MGAT4C: variants seen among roughly 807,000 people sequenced by gnomAD.
The protein encoded by MGAT4C is alpha-1,3-mannosyl-glycoprotein 4-beta-N-acetylglucosaminyltransferase C.
A neutral mutation model predicts 40.1 loss-of-function variants in MGAT4C; 19 were observed. That is an observed-to-expected ratio of 0.47 (90% CI 0.33 to 0.70). MGAT4C has a LOEUF of 0.70. Ranked by LOEUF, MGAT4C falls within the 30% of genes least tolerant of loss-of-function variation. The pLI is 0.02. For missense variants in MGAT4C, 491 were observed against 563.2 expected, an observed-to-expected ratio of 0.87 and a Z score of 1.30; for synonymous variants, 181 against 187.1, an observed-to-expected ratio of 0.97 and a Z score of 0.27.
rs115166288 is a variant in MGAT4C, at chr12:86,271,009, A to G, written c.-57+63056T>C. Among the ~76,000 whole-genome samples the G allele has an allele frequency of 5.2e-3, 795 of 152,346 alleles. 4 individuals carry two copies. Among genetic ancestry groups the G allele is most frequent in the African/African-American group, 0.018 (756 of 41,580 alleles). ...AATTCTATCTTCCACACATGCAACAATTAACTTACAACAAATTAAAGATTT... is the reference window on the plus strand; with the variant it reads ...AATTCTATCTTCCACACATGCAACAGTTAACTTACAACAAATTAAAGATTT... On this transcript the variant is annotated intron_variant, in intron 4 of 7. Coordinates refer to the MGAT4C transcript ENST00000548651.
At chr12:86,578,809 T>G (rs916958893) in intron 2 of MGAT4C, among the ~76,000 whole-genome samples, 1 of 151,696 alleles carries the variant, frequency 6.6e-6, no homozygotes, top group Non-Finnish European at 1.5e-5. Flanking sequence ...GAAAACTTTT[T>G]GTTTCATTGA....
intron 1 of MGAT4C, among the ~76,000 whole-genome samples, chr12:86,092,856 T>A (rs1208687083): frequency 6.6e-6 from 1 of 152,166 alleles, no homozygotes; most frequent in East Asian, 1.9e-4. Flanking sequence ...CCAATCACCC[T>A]CTTTTTTTTA....
intron 1 of MGAT4C, among the ~76,000 whole-genome samples, chr12:86,740,642 AT>A (rs1951054907): frequency 6.6e-6 from 1 of 151,274 alleles, no homozygotes; most frequent in Admixed American, 6.6e-5. Flanking sequence ...TAACACTTCT[AT>A]AATAGGTTTC....
intron 2 of MGAT4C, among the ~76,000 whole-genome samples, chr12:86,704,763 C>T (rs568403560): frequency 2.6e-5 from 4 of 152,158 alleles, no homozygotes; most frequent in Admixed American, 2.0e-4. Context: ...ATTTTGAATC[C>T]AGCAAGTCTG....
At chr12:86,111,803 A>T (rs1322757998) in intron 1 of MGAT4C, among the ~76,000 whole-genome samples, 1 of 151,834 alleles carries the variant, frequency 6.6e-6, no homozygotes, top group Non-Finnish European at 1.5e-5. Context: ...AGCATGTTAC[A>T]TTAGCCAAGT....
chr12:86,227,899 T>G (rs1485306447), intron 1 of MGAT4C, among the ~76,000 whole-genome samples: 2 of 152,002 alleles, frequency 1.3e-5, no homozygotes, highest in East Asian at 3.9e-4. Context: ...CCAGATTCTT[T>G]CCCCATTTTA....
intron 2 of MGAT4C, among the ~76,000 whole-genome samples, chr12:86,623,941 G>A (rs1962718989): frequency 6.6e-6 from 1 of 152,046 alleles, no homozygotes; most frequent in African/African-American, 2.4e-5. Flanking sequence ...AGAAAATGGA[G>A]GCATCCAAAT....
intron 2 of MGAT4C, among the ~76,000 whole-genome samples, chr12:86,587,631 T>A (rs1471376696): frequency 6.6e-6 from 1 of 152,018 alleles, no homozygotes; most frequent in Non-Finnish European, 1.5e-5. Flanking sequence ...CCTTGAGCAG[T>A]GGTTTGTAGT....
rs373806118 is a variant in MGAT4C, at chr12:85,979,502, A to G, written c.1224T>C (p.His408=). The change falls in exon 5 of 5, where the codon CAT becomes CAC. Residue 408 remains histidine, a synonymous_variant. Transcript: ENST00000611864. ...CGTTTTCCCCAACATCTAGGGCTCCATGATGCAAAATATCATTTTGCCGAT... is the reference window on the plus strand; with the variant it reads ...CGTTTTCCCCAACATCTAGGGCTCCGTGATGCAAAATATCATTTTGCCGAT... ...TEDRQNDILH[H]GALDVGENVM... 22 of 1,612,768 alleles carry G rather than the reference A, an allele frequency of 1.4e-5. 1 individual carries two copies. The highest frequency in any genetic ancestry group is 1.6e-4 in the Middle Eastern group (1 of 6,080).
chr12:86,383,527 G>C (rs1955990408), intron 3 of MGAT4C, among the ~76,000 whole-genome samples: 1 of 118,646 alleles, frequency 8.4e-6, no homozygotes, highest in South Asian at 3.0e-4. Flanking sequence ...CTCCAGACTG[G>C]TGACAGAGCG....
chr12:86,175,247 A>G (rs1887273327), intron 1 of MGAT4C, among the ~76,000 whole-genome samples: 1 of 152,172 alleles, frequency 6.6e-6, no homozygotes, highest in African/African-American at 2.4e-5. Context: ...ACTTGAGAGT[A>G]TATATATTAA....
intron 2 of MGAT4C, among the ~76,000 whole-genome samples, chr12:86,463,809 T>C (rs2136297776): frequency 6.6e-6 from 1 of 152,332 alleles, no homozygotes; most frequent in Non-Finnish European, 1.5e-5. Flanking sequence ...CTTACTTTGC[T>C]ATGTTTTCCT....
At chr12:86,457,487 C>T (rs1249375884) in intron 2 of MGAT4C, among the ~76,000 whole-genome samples, 2 of 152,012 alleles carry the variant, frequency 1.3e-5, no homozygotes, top group African/African-American at 4.8e-5. Context: ...CTTAGCCATA[C>T]CATAATCTAG....
At chr12:86,748,004 T>C (rs1951179066) in intron 1 of MGAT4C, among the ~76,000 whole-genome samples, 1 of 151,634 alleles carries the variant, frequency 6.6e-6, no homozygotes, top group Non-Finnish European at 1.5e-5. Context: ...TTAGCATCAA[T>C]ACTAAATTTA....
intron 2 of MGAT4C, among the ~76,000 whole-genome samples, chr12:86,616,570 T>A (rs1962456578): frequency 6.6e-6 from 1 of 152,154 alleles, no homozygotes; most frequent in Non-Finnish European, 1.5e-5. Context: ...AGTTTTGATA[T>A]TCTTGAAATA....
chr12:86,416,833 C>T (rs78078231), intron 3 of MGAT4C, among the ~76,000 whole-genome samples: 2,076 of 152,164 alleles, frequency 0.014, 39 homozygotes, highest in African/African-American at 0.048. Context: ...CTTCATTTGG[C>T]ATTAGGGTCT....
rs1035424087 is a variant in MGAT4C at position 86,622,511 on chromosome 12, T to C, written c.-229+104698A>G. Among the ~76,000 whole-genome samples, 16 of 152,220 alleles carry C rather than the reference T, an allele frequency of 1.1e-4. 2 individuals are homozygous for C. The highest frequency in any genetic ancestry group is 1.0e-3 in the Admixed American group (16 of 15,280). ...ATTAATAATAATATTTAAAAAATGG[T>C]AATTGAGGGAGCACCAGGTAAAACA... On this transcript the variant is annotated intron_variant, in intron 2 of 7. Coordinates refer to the MGAT4C transcript ENST00000548651.
intron 2 of MGAT4C, among the ~76,000 whole-genome samples, chr12:86,538,134 T>C (rs1346089685): frequency 2.0e-5 from 3 of 152,116 alleles, no homozygotes; most frequent in Non-Finnish European, 2.9e-5. Flanking sequence ...TTATTTGTAT[T>C]TGAAAGCCTA....
At chr12:86,246,203 T>C (rs988011746) in intron 1 of MGAT4C, among the ~76,000 whole-genome samples, 1 of 101,082 alleles carries the variant, frequency 9.9e-6, no homozygotes, top group African/African-American at 3.5e-5. Flanking sequence ...TTTTTTTTTT[T>C]GAGACAGAGT....
Sources: gnomAD v4.1 joint callset for allele counts (sites outside exome capture counted in the v4.1 genomes callset) on GRCh38, gnomAD v4.1.1 for gene constraint, MANE v1.5 for transcripts, NCBI Gene and HGNC (gene_info 2026-07-23, HGNC 2026-07-21) for gene names.